The following KIFBP variants were observed in gnomAD, a reference collection of about 807,000 sequenced individuals.
KIFBP encodes the protein KIF-binding protein.
KIFBP carries 46 observed loss-of-function variants against 58.9 expected under a neutral mutation model. That is an observed-to-expected ratio of 0.78 (90% CI 0.62 to 1.00). The LOEUF (loss-of-function observed/expected upper bound fraction) is 1.00, where lower values mean the gene tolerates loss of function less well. Ranked by LOEUF, KIFBP falls within the 50% of genes least tolerant of loss-of-function variation. The probability of loss-of-function intolerance (pLI) is 0.00; values close to 1 mark genes in which losing one functional copy is unlikely to be tolerated. For missense variants in KIFBP, 651 were observed against 752.9 expected (o/e 0.86, Z 1.58); for synonymous variants, 241 against 283.4 (o/e 0.85, Z 1.50).
intron 5 of KIFBP, among the ~76,000 whole-genome samples, chr10:69,009,786 CTTTAAAAATAGTTTATT>C (rs1028279218): frequency 2.0e-5 from 3 of 152,100 alleles, no homozygotes; most frequent in Admixed American, 6.6e-5. Context: ...TCATCATTTT[CTTTAAAAATAGTTTATT>C]TTTAAAAATA....
rs2255607 is a variant in KIFBP, at chr10:68,989,028, G to C, written c.196G>C (p.Gly66Arg). The stretch of plus-strand genomic sequence containing the variant: ...GGATGAGCGGCCTGAGGCCGAGGAC[G>C]GCCCGGGTGCCGGTGACCACGCCCT... The part of the protein sequence containing the change: ...DEDERPEAED[G>R]PGAGDHALGL... The change falls in exon 1 of 7, where the codon GGC becomes CGC. Residue 66 changes from glycine to arginine, a missense_variant. Coordinates refer to ENST00000361983, the MANE Select transcript of KIFBP (RefSeq NM_015634.4). The C allele has an allele frequency of 2.5e-6, 4 of 1,613,648 alleles. No homozygotes were observed. The highest frequency in any genetic ancestry group is 2.7e-5 in the African/African-American group (2 of 74,918).
At chr10:69,004,575 T>C (rs978973246) in intron 2 of KIFBP, among the ~76,000 whole-genome samples, 3 of 152,128 alleles carry the variant, frequency 2.0e-5, no homozygotes, top group Admixed American at 6.5e-5. Flanking sequence ...AGAAAATTAC[T>C]TGTTGAGGCG....
chr10:68,994,019 G>C (rs1181822809), intron 1 of KIFBP, among the ~76,000 whole-genome samples: 1 of 152,044 alleles, frequency 6.6e-6, no homozygotes, highest in Non-Finnish European at 1.5e-5. Context: ...CAAATAAATA[G>C]CAGTTTTTCA....
intron 1 of KIFBP, among the ~76,000 whole-genome samples, chr10:68,998,073 G>A (rs1843425960): frequency 6.6e-6 from 1 of 152,066 alleles, no homozygotes; most frequent in Admixed American, 6.5e-5. Flanking sequence ...CTAGTCTCAG[G>A]TAGTTCTTTA....
intron 1 of KIFBP, chr10:68,989,838 CAGG>C: frequency 1.3e-5 from 2 of 153,488 alleles, no homozygotes; most frequent in Admixed American, 6.5e-5. Context: ...GCTGGAACCA[CAGG>C]CGCATGCCAC....
At position 69,016,278 on chromosome 10, in the gene KIFBP, C is replaced by G; in HGVS notation, c.1728C>G (p.Tyr576Ter). Residue 576 changes from tyrosine to a stop codon, truncating the protein, a stop_gained, in exon 7 of 7, where the codon TAC becomes TAG. Transcript: ENST00000361983. LOFTEE classifies it high-confidence loss of function. ...LENLATSLEHYKFIVDYCEKH... is the reference protein window; with the variant it reads ...LENLATSLEH ...ATTTGGCAACATCATTGGAACATTA[C>G]AAATTTATTGTTGATTACTGTGAAA... 6.2e-7 allele frequency: 1 copy of G among 1,602,030 alleles called. No homozygotes were observed. The highest frequency in any genetic ancestry group is 8.5e-7 in the Non-Finnish European group (1 of 1,174,828).
chr10:69,000,632 C>G (rs1462532781), intron 2 of KIFBP, 110 bp downstream of exon 2: 2 of 788,084 alleles, frequency 2.5e-6, no homozygotes, highest in South Asian at 1.4e-5. Context: ...TGCCCTAGAA[C>G]TTCTCTATAG....
intron 6 of KIFBP, 171 bp downstream of exon 6, chr10:69,011,186 T>G (rs1169660402): frequency 4.9e-6 from 3 of 606,582 alleles, no homozygotes; most frequent in Non-Finnish European, 9.0e-6. Context: ...TCGAATTGCT[T>G]GAATCCGGGA....
chr10:69,006,663 T>C (rs1843539740), intron 4 of KIFBP, among the ~76,000 whole-genome samples: 1 of 152,190 alleles, frequency 6.6e-6, no homozygotes, highest in Non-Finnish European at 1.5e-5. Context: ...TAAATTACTT[T>C]TATTTATATT....
chr10:69,009,931 A>G (rs1476289283), intron 5 of KIFBP, among the ~76,000 whole-genome samples: 1 of 152,188 alleles, frequency 6.6e-6, no homozygotes, highest in East Asian at 1.9e-4. Context: ...AAAAATGCAG[A>G]GACTCTTAAG....
chr10:68,990,496 A>G (rs1374505825), intron 1 of KIFBP, among the ~76,000 whole-genome samples: 1 of 152,208 alleles, frequency 6.6e-6, no homozygotes, highest in East Asian at 1.9e-4. Flanking sequence ...AGCCATGATC[A>G]TGCCACTGCA....
At chr10:68,990,454 T>C (rs1184784466) in intron 1 of KIFBP, among the ~76,000 whole-genome samples, 2 of 152,078 alleles carry the variant, frequency 1.3e-5, no homozygotes, top group East Asian at 3.8e-4. Context: ...GAGGCTAGGT[T>C]GAGCTGGGAG....
chr10:68,998,745 A>G (rs1260208998), intron 1 of KIFBP, among the ~76,000 whole-genome samples: 1 of 119,686 alleles, frequency 8.4e-6, no homozygotes, highest in Non-Finnish European at 1.8e-5. Context: ...ATACATACAT[A>G]CATACATATA....
In KIFBP at chr10:69,000,422, A is replaced by T. The variant is rs1308256179; in HGVS notation, c.427-2A>T. The T allele has an allele frequency of 6.3e-7, 1 of 1,590,256 alleles. No individual in the cohort carries two copies. The highest frequency in any genetic ancestry group is 1.3e-5 in the African/African-American group (1 of 74,478). ...TTGTTTCTCTTTTTCTTTATTTTCCAGAATAACCTGGGTATCTTGTGGTCT... is the reference window on the plus strand; with the variant it reads ...TTGTTTCTCTTTTTCTTTATTTTCCTGAATAACCTGGGTATCTTGTGGTCT... On this transcript the variant is annotated splice_acceptor_variant, in intron 1 of 6. Transcript: ENST00000361983. LOFTEE classifies it high-confidence loss of function.
Position 69,005,750 on chromosome 10 carries a change from T to G in KIFBP, c.624T>G (p.Thr208=). Residue 208 remains threonine, a synonymous_variant, in exon 4 of 7, where the codon ACT becomes ACG. Coordinates refer to ENST00000361983, the MANE Select transcript of KIFBP (RefSeq NM_015634.4). ...TTTACAGATTTGAAAAGGTTTATAC[T>G]CATAACCTATATTACCTAGCTCAAG... ...ERSKRFEKVY[T]HNLYYLAQVY... The G allele has an allele frequency of 6.2e-7, 1 of 1,611,036 alleles. No homozygotes were observed. The highest frequency in any genetic ancestry group is 8.5e-7 in the Non-Finnish European group (1 of 1,177,206).
intron 5 of KIFBP, among the ~76,000 whole-genome samples, chr10:69,010,380 G>A (rs555266092): frequency 3.3e-5 from 5 of 152,264 alleles, no homozygotes; most frequent in South Asian, 2.1e-4. Context: ...AAAAAAATGT[G>A]TGTATGTGTA....
chr10:68,995,524 ATTG>A (rs1843395045), intron 1 of KIFBP, among the ~76,000 whole-genome samples: 1 of 152,086 alleles, frequency 6.6e-6, no homozygotes, highest in African/African-American at 2.4e-5. Flanking sequence ...CTTTTTATAT[ATTG>A]TTGAACTGAA....
At chr10:69,007,948 G>C (rs149495620) in intron 4 of KIFBP, among the ~76,000 whole-genome samples, 212 of 152,314 alleles carry the variant, frequency 1.4e-3, no homozygotes, top group African/African-American at 5.0e-3. Context: ...GTCTTCAAGA[G>C]TGTTGGTAAA....
rs1321614445 is a variant in KIFBP at position 69,005,750 on chromosome 10, T to C, written c.624T>C (p.Thr208=). 1 of 1,611,036 alleles carries C rather than the reference T, an allele frequency of 6.2e-7. No individual in the cohort carries two copies. Among genetic ancestry groups the C allele is most frequent in the African/African-American group, 1.3e-5 (1 of 74,974 alleles). The change falls in exon 4 of 7, where the codon ACT becomes ACC. Residue 208 remains threonine, a synonymous_variant. Coordinates refer to ENST00000361983, the MANE Select transcript of KIFBP (RefSeq NM_015634.4). ...ERSKRFEKVY[T]HNLYYLAQVY... ...TTTACAGATTTGAAAAGGTTTATAC[T>C]CATAACCTATATTACCTAGCTCAAG...
Sources: gnomAD v4.1 joint callset for allele counts (sites outside exome capture counted in the v4.1 genomes callset) on GRCh38, gnomAD v4.1.1 for gene constraint, MANE v1.5 for transcripts, NCBI Gene and HGNC (gene_info 2026-07-23, HGNC 2026-07-21) for gene names.